The following STK32B variants were observed in gnomAD, a reference collection of about 807,000 sequenced individuals.
STK32B encodes serine/threonine kinase 32B.
A neutral mutation model predicts 52.6 loss-of-function variants in STK32B; 43 were observed. The ratio of observed to expected loss-of-function variants is 0.82; its 90% CI spans 0.64 to 1.05. The LOEUF (loss-of-function observed/expected upper bound fraction) is 1.05. STK32B is among the 50% of genes least tolerant of loss of function. STK32B has a pLI of 0.00. For synonymous variants in STK32B, 238 were observed against 204.3 expected, an observed-to-expected ratio of 1.17 and a Z score of -1.41; for missense variants, 621 against 534.6, an observed-to-expected ratio of 1.16 and a Z score of -1.59.
intron 1 of STK32B, among the ~76,000 whole-genome samples, chr4:5,088,727 C>G (rs1712878412): frequency 6.6e-6 from 1 of 151,774 alleles, no homozygotes; most frequent in Admixed American, 6.6e-5. Flanking sequence ...ATCCCATAAA[C>G]ACATACACCT....
chr4:5,372,662 C>T (rs1230125126), intron 4 of STK32B, among the ~76,000 whole-genome samples: 1 of 150,158 alleles, frequency 6.7e-6, no homozygotes, highest in Non-Finnish European at 1.5e-5. Flanking sequence ...CTACCTGTAT[C>T]ATTACAGTAA....
At chr4:5,466,208 G>A (rs1717421132) in intron 9 of STK32B, among the ~76,000 whole-genome samples, 1 of 152,214 alleles carries the variant, frequency 6.6e-6, no homozygotes, top group African/African-American at 2.4e-5. Flanking sequence ...GCCAGGAGCA[G>A]GGCCAGGCCG....
At chr4:5,034,033 G>A in the STK32B span, among the ~76,000 whole-genome samples, 2 of 152,132 alleles carry the variant, frequency 1.3e-5, no homozygotes, top group Admixed American at 6.5e-5. Context: ...ATTCTGTAAC[G>A]GACACTTTAC....
At chr4:5,238,252 C>T (rs767092753) in intron 3 of STK32B, among the ~76,000 whole-genome samples, 8 of 152,138 alleles carry the variant, frequency 5.3e-5, no homozygotes, top group African/African-American at 1.9e-4. Flanking sequence ...GAGGCTCCTT[C>T]CTTGCCTTCT....
rs527395806 is a variant in STK32B, at chr4:5,222,411, C to A, written c.260+53961C>A. ...GGGAGGGCTCAGAATAAGAGAAAAACTGTAGCAACAGCTTCAGTCTTTATA... is the reference window on the plus strand; with the variant it reads ...GGGAGGGCTCAGAATAAGAGAAAAAATGTAGCAACAGCTTCAGTCTTTATA... On this transcript the variant is annotated intron_variant, in intron 3 of 11. Transcript: ENST00000282908. 1.5e-4 allele frequency among the ~76,000 whole-genome samples: 23 copies of A among 152,266 alleles called. 1 individual carries two copies. The East Asian group carries it at 4.3e-3, about 28-fold the overall frequency.
At chr4:5,434,828 C>A (rs927373810) in intron 6 of STK32B, among the ~76,000 whole-genome samples, 7 of 152,184 alleles carry the variant, frequency 4.6e-5, no homozygotes, top group African/African-American at 9.7e-5. Flanking sequence ...GAGCTTCTGG[C>A]ACACAGTAGA....
chr4:5,407,755 C>T (rs1186825542), intron 5 of STK32B, among the ~76,000 whole-genome samples: 1 of 152,098 alleles, frequency 6.6e-6, no homozygotes, highest in African/African-American at 2.4e-5. Context: ...ACCCCATAAT[C>T]CAATCACCTC....
chr4:5,220,226 G>A (rs914744840), intron 3 of STK32B, among the ~76,000 whole-genome samples: 4 of 152,118 alleles, frequency 2.6e-5, no homozygotes, highest in African/African-American at 9.7e-5. Context: ...CATTCACTCC[G>A]CTTTACCCAT....
rs151338728 is a variant in STK32B, at chr4:5,358,701, G to GCGCGCGCGCA, written c.434+27309_434+27310insGCGCGCGCAC. On this transcript the variant is annotated intron_variant, in intron 4 of 11. Transcript: ENST00000282908. Reference sequence around the variant, plus strand: ...CATGCCAGGACACATTCACACACATGCACACACACACACACACACACAGGC... The same window carrying GCGCGCGCGCA: ...CATGCCAGGACACATTCACACACATGCGCGCGCGCACACACACACACACACACACACAGGC... Among the ~76,000 whole-genome samples, 7 of 106,736 alleles carry GCGCGCGCGCA rather than the reference G, an allele frequency of 6.6e-5. 1 individual carries two copies. In the East Asian group the frequency reaches 8.7e-4, roughly 13 times the overall value. 70.0% of individuals were successfully genotyped at this position (106,736 alleles called of 152,430 possible).
chr4:5,434,762 G>A (rs888585723), intron 6 of STK32B, among the ~76,000 whole-genome samples: 1 of 152,120 alleles, frequency 6.6e-6, no homozygotes, highest in East Asian at 1.9e-4. Context: ...ATCTAGAAGT[G>A]CTCTCTAAAC....
intron 3 of STK32B, among the ~76,000 whole-genome samples, chr4:5,227,978 A>T (rs980388938): frequency 1.3e-5 from 2 of 152,162 alleles, no homozygotes; most frequent in Admixed American, 1.3e-4. Flanking sequence ...CATTTGTTTT[A>T]TCATTTATCC....
intron 3 of STK32B, among the ~76,000 whole-genome samples, chr4:5,315,039 G>C (rs1175786948): frequency 6.6e-6 from 1 of 151,930 alleles, no homozygotes; most frequent in Non-Finnish European, 1.5e-5. Flanking sequence ...TAAAAGACAA[G>C]CTACAGAGGA....
intron 11 of STK32B, among the ~76,000 whole-genome samples, chr4:5,484,876 G>A (rs956170349): frequency 6.6e-6 from 1 of 152,106 alleles, no homozygotes; most frequent in Non-Finnish European, 1.5e-5. Flanking sequence ...ATGAAATTCT[G>A]GGTTGAAAAT....
intron 3 of STK32B, among the ~76,000 whole-genome samples, chr4:5,261,647 C>T (rs921197309): frequency 2.6e-5 from 4 of 152,138 alleles, no homozygotes; most frequent in Non-Finnish European, 5.9e-5. Context: ...GGAATAAACC[C>T]CAATTTCATC....
intron 1 of STK32B, among the ~76,000 whole-genome samples, chr4:5,091,257 T>C (rs1713064593): frequency 6.6e-6 from 1 of 152,116 alleles, no homozygotes; most frequent in African/African-American, 2.4e-5. Flanking sequence ...AATATTTTTA[T>C]GCATCGAAGG....
chr4:5,107,645 A>G (rs1346937771), intron 1 of STK32B, among the ~76,000 whole-genome samples: 2 of 152,244 alleles, frequency 1.3e-5, no homozygotes, highest in Non-Finnish European at 2.9e-5. Context: ...TTCTATGTTT[A>G]GTAAGTGAAA....
intron 1 of STK32B, among the ~76,000 whole-genome samples, chr4:5,122,284 AT>A (rs533076876): frequency 1.8e-4 from 27 of 151,896 alleles, no homozygotes; most frequent in African/African-American, 6.5e-4. Context: ...TCACTCACCC[AT>A]TCACTCACCC....
At chr4:5,070,889 C>T (rs74955655) in intron 1 of STK32B, among the ~76,000 whole-genome samples, 21,956 of 152,094 alleles carry the variant, frequency 0.14, 1,949 homozygotes, top group Non-Finnish European at 0.2. Flanking sequence ...CCACAGAAGG[C>T]CGTCCCACAA....
intron 3 of STK32B, among the ~76,000 whole-genome samples, chr4:5,193,858 C>T (rs1047973032): frequency 2.6e-5 from 4 of 152,252 alleles, no homozygotes; most frequent in African/African-American, 9.6e-5. Flanking sequence ...GAGACTGCTG[C>T]ATTCAGGAAC....
Sources: gnomAD v4.1 joint callset for allele counts (sites outside exome capture counted in the v4.1 genomes callset) on GRCh38, gnomAD v4.1.1 for gene constraint, MANE v1.5 for transcripts, NCBI Gene and HGNC (gene_info 2026-07-23, HGNC 2026-07-21) for gene names.